The following HDX variants were observed in gnomAD, a reference collection of about 807,000 sequenced individuals.
HDX encodes highly divergent homeobox, also known as chromosome X open reading frame 43.
Under a neutral mutation model 45.2 loss-of-function variants are expected in HDX, and 19 were observed. That is an observed-to-expected ratio of 0.42 (90% CI 0.29 to 0.62). The LOEUF is 0.62. HDX is among the 20% of genes least tolerant of loss of function. The pLI, the probability that HDX is intolerant of heterozygous loss-of-function variation, is 0.20. For synonymous variants in HDX, 188 were observed against 172.8 expected, an observed-to-expected ratio of 1.09 and a Z score of -0.69; for missense variants, 532 against 493.9, an observed-to-expected ratio of 1.08 and a Z score of -0.73.
chrX:84,330,802 G>C (rs1165199010), intron 9 of HDX, among the ~76,000 whole-genome samples: 4 of 111,711 alleles, frequency 3.6e-5, no homozygotes, highest in Non-Finnish European at 7.5e-5. Flanking sequence ...ACAGCTTTAA[G>C]ATAATTTAAT....
At chrX:84,322,617 C>G (rs2147744049) in intron 10 of HDX, among the ~76,000 whole-genome samples, 1 of 110,814 alleles carries the variant, frequency 9.0e-6, no homozygotes, top group East Asian at 2.8e-4. Flanking sequence ...ATCAGTGGAT[C>G]TATCTGTAGT....
chrX:84,426,057 C>G (rs1447453017), intron 5 of HDX, among the ~76,000 whole-genome samples: 1 of 110,686 alleles, frequency 9.0e-6, no homozygotes, highest in Non-Finnish European at 1.9e-5. Context: ...ATGCCTGTAT[C>G]AAAACATCTC....
chrX:84,435,182 C>A (rs1333644731), intron 5 of HDX, among the ~76,000 whole-genome samples: 1 of 109,355 alleles, frequency 9.1e-6, no homozygotes. Context: ...TTTATTATTT[C>A]TTTCCTTCTA....
chrX:84,407,011 C>A (rs1298089475), intron 5 of HDX, among the ~76,000 whole-genome samples: 3 of 110,772 alleles, frequency 2.7e-5, no homozygotes, highest in South Asian at 7.5e-4. Context: ...TTTTTAAAAA[C>A]TAAATATTTC....
In HDX at chrX:84,344,347, A is replaced by G; in HGVS notation, c.1563T>C (p.Ser521=). The change falls in exon 7 of 11, where the codon TCT becomes TCC. Residue 521 remains serine, a synonymous_variant. Transcript: ENST00000373177. The part of the protein sequence containing the change: ...FSEQPESGSL[S]ALTPGEEAGP... ...CAGCTTCCTCTCCTGGTGTGAGTGCAGATAAAGAACCAGACTCAGGCTGCT... is the reference window on the plus strand; with the variant it reads ...CAGCTTCCTCTCCTGGTGTGAGTGCGGATAAAGAACCAGACTCAGGCTGCT... 2 of 1,206,100 alleles carry G rather than the reference A, an allele frequency of 1.7e-6. No homozygotes were observed. Among genetic ancestry groups the G allele is most frequent in the Non-Finnish European group, 2.2e-6 (2 of 890,710 alleles).
Position 84,388,020 on chromosome X carries a change from C to T in HDX, c.1306-26408G>A, listed in dbSNP as rs777739871. 1.9e-3 allele frequency among the ~76,000 whole-genome samples: 214 copies of T among 111,904 alleles called. 2 individuals are homozygous for T. Among genetic ancestry groups the T allele is most frequent in the Non-Finnish European group, 2.0e-3 (104 of 53,169 alleles). On this transcript the variant is annotated intron_variant, in intron 5 of 10. Transcript: ENST00000373177. ...TTGAAATGAACGCCACTATCATTTGCTTGTCTGAGAAGGATTTTGTTTCTT... is the reference window on the plus strand; with the variant it reads ...TTGAAATGAACGCCACTATCATTTGTTTGTCTGAGAAGGATTTTGTTTCTT...
At chrX:84,483,071 C>T (rs1416182068) in intron 2 of HDX, among the ~76,000 whole-genome samples, 1 of 111,853 alleles carries the variant, frequency 8.9e-6, no homozygotes, top group African/African-American at 3.3e-5. Context: ...CATCAAAGGG[C>T]TTGGGCAGCT....
At chrX:84,499,513 A>G (rs2148218630) in intron 1 of HDX, among the ~76,000 whole-genome samples, 1 of 111,915 alleles carries the variant, frequency 8.9e-6, no homozygotes, top group South Asian at 3.7e-4. Flanking sequence ...AAGCTAAAAC[A>G]GCTTTGAGGA....
intron 5 of HDX, among the ~76,000 whole-genome samples, chrX:84,391,155 CTG>C (rs2147931305): frequency 9.0e-6 from 1 of 111,247 alleles, no homozygotes; most frequent in African/African-American, 3.3e-5. Context: ...TCATTCTATT[CTG>C]TGAGATAAAC....
intron 5 of HDX, among the ~76,000 whole-genome samples, chrX:84,382,885 C>G (rs942534922): frequency 1.4e-4 from 15 of 110,785 alleles, no homozygotes; most frequent in African/African-American, 4.9e-4. Flanking sequence ...GATAAATGCT[C>G]GAGGAGATGG....
chrX:84,405,960 A>G (rs2038809379), intron 5 of HDX, among the ~76,000 whole-genome samples: 1 of 110,808 alleles, frequency 9.0e-6, no homozygotes, highest in Non-Finnish European at 1.9e-5. Flanking sequence ...CAGAGCGGTT[A>G]AATAATTTGC....
chrX:84,388,102 C>A, intron 5 of HDX, among the ~76,000 whole-genome samples: 1 of 111,816 alleles, frequency 8.9e-6, no homozygotes, highest in Non-Finnish European at 1.9e-5. Flanking sequence ...TAATTTCTTT[C>A]CTTTAAGGAT....
At chrX:84,425,179 A>T (rs1202290799) in intron 5 of HDX, among the ~76,000 whole-genome samples, 1 of 112,080 alleles carries the variant, frequency 8.9e-6, no homozygotes, top group East Asian at 2.8e-4. Flanking sequence ...TGTTTCTCAA[A>T]AGAAGACATA....
chrX:84,470,400 C>G (rs2040433602), intron 3 of HDX, among the ~76,000 whole-genome samples: 1 of 111,593 alleles, frequency 9.0e-6, no homozygotes, highest in Admixed American at 9.6e-5. Context: ...TACAATATTA[C>G]TTTCATAGAA....
At chrX:84,333,945 G>T in intron 8 of HDX, 103 bp from the exon 9 acceptor site, 1 of 381,493 alleles carries the variant, frequency 2.6e-6, no homozygotes, top group Non-Finnish European at 4.7e-6. Flanking sequence ...ATCTAGTCTA[G>T]GTTATCTGGA....
At chrX:84,383,465 T>C (rs1474616515) in intron 5 of HDX, among the ~76,000 whole-genome samples, 1 of 111,723 alleles carries the variant, frequency 9.0e-6, no homozygotes. Flanking sequence ...TGTCATTTTA[T>C]ATTAATGCGC....
At chrX:84,491,651 T>G (rs2040895757) in intron 1 of HDX, among the ~76,000 whole-genome samples, 1 of 111,717 alleles carries the variant, frequency 9.0e-6, no homozygotes, top group East Asian at 2.8e-4. Flanking sequence ...TATTTGAATA[T>G]GTTTGCCTTT....
chrX:84,344,011 G>A (rs895133687), intron 7 of HDX, among the ~76,000 whole-genome samples: 1 of 111,416 alleles, frequency 9.0e-6, no homozygotes, highest in Non-Finnish European at 1.9e-5. Flanking sequence ...TATAATGCAT[G>A]AATTGTAATA....
chrX:84,373,259 A>G (rs2037944707), intron 5 of HDX, among the ~76,000 whole-genome samples: 1 of 111,280 alleles, frequency 9.0e-6, no homozygotes, highest in Non-Finnish European at 1.9e-5. Flanking sequence ...TGTTGCCCCA[A>G]ATCGGCTTCT....
Sources: gnomAD v4.1 joint callset for allele counts (sites outside exome capture counted in the v4.1 genomes callset) on GRCh38, gnomAD v4.1.1 for gene constraint, MANE v1.5 for transcripts, NCBI Gene and HGNC (gene_info 2026-07-23, HGNC 2026-07-21) for gene names.